OXR1: variants seen among roughly 807,000 people sequenced by gnomAD.
The protein encoded by OXR1 is oxidation resistance 1.
A neutral mutation model predicts 104.6 loss-of-function variants in OXR1; 41 were observed. That is an observed-to-expected ratio of 0.39 (90% CI 0.31 to 0.51). OXR1 has a LOEUF of 0.51. Ranked by LOEUF, OXR1 falls within the 20% of genes least tolerant of loss-of-function variation. The pLI is 0.77. For synonymous variants in OXR1, 348 were observed against 348.4 expected (o/e 1.00, Z 0.01); for missense variants, 955 against 1,031.9 (o/e 0.93, Z 1.02).
chr8:106,275,885 TTAAAGA>T (rs1812017787), intron 1 of OXR1, among the ~76,000 whole-genome samples: 1 of 152,212 alleles, frequency 6.6e-6, no homozygotes, highest in Admixed American at 6.5e-5. Flanking sequence ...CTTATAATTG[TTAAAGA>T]TAAGTAATAG....
At chr8:106,738,782 A>C (rs965639697) in intron 12 of OXR1, among the ~76,000 whole-genome samples, 1 of 151,854 alleles carries the variant, frequency 6.6e-6, no homozygotes, top group Non-Finnish European at 1.5e-5. Context: ...ATTCTTTGTA[A>C]TGCAACACAT....
At chr8:106,525,504 C>G (rs913633014) in intron 3 of OXR1, among the ~76,000 whole-genome samples, 77 of 152,190 alleles carry the variant, frequency 5.1e-4, no homozygotes, top group African/African-American at 1.9e-3. Context: ...GATTGGAATA[C>G]CTGGTGTAGC....
intron 11 of OXR1, among the ~76,000 whole-genome samples, chr8:106,715,079 G>A (rs1242400452): frequency 6.6e-6 from 1 of 151,976 alleles, no homozygotes; most frequent in Non-Finnish European, 1.5e-5. Flanking sequence ...CTCATTAGCA[G>A]GAGAATGGAT....
chr8:106,326,172 G>C (rs1814459821), intron 1 of OXR1, among the ~76,000 whole-genome samples: 1 of 152,194 alleles, frequency 6.6e-6, no homozygotes, highest in Non-Finnish European at 1.5e-5. Flanking sequence ...CAAAATTTCA[G>C]TATGTCTACC....
intron 11 of OXR1, among the ~76,000 whole-genome samples, chr8:106,737,232 T>C (rs184334482): frequency 1.3e-5 from 2 of 152,238 alleles, no homozygotes; most frequent in East Asian, 3.9e-4. Context: ...TAGTGTTTTC[T>C]GTATAAAAAA....
At chr8:106,442,869 G>A (rs11998475) in intron 2 of OXR1, among the ~76,000 whole-genome samples, 7,472 of 151,992 alleles carry the variant, frequency 0.049, 597 homozygotes, top group African/African-American at 0.17. Context: ...AACACCTCCT[G>A]CATTAAGATT....
At chr8:106,329,027 T>C (rs1397841155) in intron 1 of OXR1, among the ~76,000 whole-genome samples, 2 of 152,048 alleles carry the variant, frequency 1.3e-5, no homozygotes, top group Non-Finnish European at 2.9e-5. Context: ...TTGGAGTCTC[T>C]GTTGCCCAGG....
At chr8:106,290,417 A>C (rs1812697653) in intron 1 of OXR1, among the ~76,000 whole-genome samples, 1 of 152,190 alleles carries the variant, frequency 6.6e-6, no homozygotes, top group South Asian at 2.1e-4. Context: ...CTAAGTCCCA[A>C]AAAGCAATTG....
At chr8:106,393,999 G>A (rs1322373513) in intron 2 of OXR1, among the ~76,000 whole-genome samples, 3 of 151,898 alleles carry the variant, frequency 2.0e-5, no homozygotes, top group East Asian at 1.9e-4. Flanking sequence ...ATAATAATGG[G>A]ACACAAATTT....
intron 1 of OXR1, among the ~76,000 whole-genome samples, chr8:106,289,567 C>T (rs954889712): frequency 3.9e-5 from 6 of 152,140 alleles, no homozygotes; most frequent in Non-Finnish European, 7.4e-5. Context: ...GAATCAATTT[C>T]ATTAAAATGG....
At chr8:106,361,692 T>G (rs1435795582) in intron 2 of OXR1, among the ~76,000 whole-genome samples, 1 of 152,204 alleles carries the variant, frequency 6.6e-6, no homozygotes, top group East Asian at 1.9e-4. Context: ...TATAAATATT[T>G]TAACAGGAAT....
At chr8:106,464,127 G>T (rs530626090) in intron 2 of OXR1, among the ~76,000 whole-genome samples, 1 of 151,896 alleles carries the variant, frequency 6.6e-6, no homozygotes, top group Admixed American at 6.6e-5. Context: ...TCATAGTTTT[G>T]TCTTATTGTA....
intron 1 of OXR1, among the ~76,000 whole-genome samples, chr8:106,296,920 A>G (rs1424709737): frequency 1.1e-4 from 17 of 152,312 alleles, no homozygotes. Flanking sequence ...TGCTGTATGA[A>G]TATTGCTTTT....
chr8:106,460,322 A>T (rs973292727), intron 2 of OXR1, among the ~76,000 whole-genome samples: 2 of 152,196 alleles, frequency 1.3e-5, no homozygotes, highest in African/African-American at 2.4e-5. Context: ...TTCCATGCAC[A>T]GGATTAAGTG....
At chr8:106,519,804 AT>A (rs2130115418) in intron 3 of OXR1, among the ~76,000 whole-genome samples, 1 of 152,312 alleles carries the variant, frequency 6.6e-6, no homozygotes, top group South Asian at 2.1e-4. Flanking sequence ...TAATTTTTGT[AT>A]TTTAACATTT....
intron 1 of OXR1, among the ~76,000 whole-genome samples, chr8:106,276,951 A>G (rs928422585): frequency 6.6e-5 from 10 of 152,182 alleles, no homozygotes; most frequent in African/African-American, 2.4e-4. Flanking sequence ...GTATTTTTTG[A>G]TGATCAGAAA....
At chr8:106,596,999 GC>G (rs1309255579) in intron 3 of OXR1, among the ~76,000 whole-genome samples, 1 of 152,094 alleles carries the variant, frequency 6.6e-6, no homozygotes, top group Non-Finnish European at 1.5e-5. Flanking sequence ...GCTGCAGTGA[GC>G]TGAGATCGCA....
chr8:106,481,414 A>G (rs1822106531), intron 2 of OXR1, among the ~76,000 whole-genome samples: 1 of 152,034 alleles, frequency 6.6e-6, no homozygotes, highest in Admixed American at 6.6e-5. Context: ...GCTTTTCAAT[A>G]TTGATTTTTT....
rs546261705 is a variant in OXR1 at position 106,290,225 on chromosome 8, G to A, written c.-139+19858G>A. 3.3e-5 allele frequency among the ~76,000 whole-genome samples: 5 copies of A among 152,172 alleles called. No homozygotes were observed. In the East Asian group the frequency reaches 9.6e-4, roughly 29 times the overall value. On this transcript the variant is annotated intron_variant, in intron 1 of 16. Coordinates refer to ENST00000517566, the MANE Select transcript of OXR1 (RefSeq NM_001198533.2). ...GAAAGGACTCCCTATTCAATAAATG[G>A]TGCAGACATAACTGGCTAGCCATAT...
Sources: allele counts gnomAD v4.1 joint callset (sites outside exome capture counted in the v4.1 genomes callset), GRCh38; gene constraint gnomAD v4.1.1; transcripts MANE v1.5; gene names NCBI Gene and HGNC (gene_info 2026-07-23, HGNC 2026-07-21).